DACH2: variants seen among roughly 807,000 people sequenced by gnomAD.
DACH2 encodes dachshund family transcription factor 2, also known as dachshund homolog 2.
Under a neutral mutation model 35.8 loss-of-function variants are expected in DACH2, and 17 were observed. The ratio of observed to expected loss-of-function variants is 0.48; its 90% CI spans 0.33 to 0.71. The LOEUF (loss-of-function observed/expected upper bound fraction) is 0.71. Among genes scored for constraint, DACH2 ranks in the 30% least tolerant of loss-of-function variants. DACH2 has a pLI of 0.02. For synonymous variants in DACH2, 195 were observed against 177.3 expected (o/e 1.10, Z -0.79); for missense variants, 469 against 472.7 (o/e 0.99, Z 0.07).
At chrX:86,187,468 A>G (rs2031715430) in intron 1 of DACH2, among the ~76,000 whole-genome samples, 1 of 104,342 alleles carries the variant, frequency 9.6e-6, no homozygotes, top group African/African-American at 3.6e-5. Flanking sequence ...CCCAGGCTAG[A>G]GGACAGTGGT....
At chrX:86,827,937 A>G (rs1190050151) in intron 11 of DACH2, 2 of 562,458 alleles carry the variant, frequency 3.6e-6, no homozygotes, top group Non-Finnish European at 5.6e-6. Flanking sequence ...TTACACATAC[A>G]GGAAAAATGT....
chrX:86,304,299 T>G (rs940783443), intron 1 of DACH2: 2 of 112,308 alleles, frequency 1.8e-5, no homozygotes, highest in Non-Finnish European at 3.8e-5. Flanking sequence ...GCTTGCCCAC[T>G]GCTCAGAAGC....
chrX:86,724,503 A>C (rs961649077), intron 6 of DACH2, among the ~76,000 whole-genome samples: 1 of 111,543 alleles, frequency 9.0e-6, no homozygotes, highest in East Asian at 2.8e-4. Context: ...TTCTTTTAGC[A>C]CTTTGAAAAT....
chrX:86,292,998 G>A (rs1295943761), intron 1 of DACH2, among the ~76,000 whole-genome samples: 15 of 100,263 alleles, frequency 1.5e-4, no homozygotes, highest in East Asian at 3.1e-4. Context: ...TTTCTGTCTC[G>A]TTGATCTGTC....
chrX:86,712,567 G>A (rs913129468), intron 5 of DACH2, among the ~76,000 whole-genome samples: 5 of 109,656 alleles, frequency 4.6e-5, no homozygotes, highest in Non-Finnish European at 9.5e-5. Flanking sequence ...ATATATAATG[G>A]GATCATTTTG....
chrX:86,518,469 C>T (rs2038505013), intron 3 of DACH2, among the ~76,000 whole-genome samples: 1 of 111,893 alleles, frequency 8.9e-6, no homozygotes, highest in African/African-American at 3.2e-5. Context: ...AGTATTGAAT[C>T]TGTAAATTGC....
chrX:86,746,273 G>A (rs2041711799), intron 7 of DACH2, among the ~76,000 whole-genome samples: 1 of 111,247 alleles, frequency 9.0e-6, no homozygotes, highest in Non-Finnish European at 1.9e-5. Context: ...ATACTTAGGA[G>A]TGAAATTGAT....
At chrX:86,595,841 T>C (rs761100471) in intron 3 of DACH2, among the ~76,000 whole-genome samples, 13 of 110,252 alleles carry the variant, frequency 1.2e-4, no homozygotes, top group Non-Finnish European at 1.9e-4. Flanking sequence ...CTCACTAATA[T>C]GTAGTTTCAG....
At chrX:86,603,477 T>C (rs1322390660) in intron 3 of DACH2, among the ~76,000 whole-genome samples, 2 of 110,382 alleles carry the variant, frequency 1.8e-5, no homozygotes, top group African/African-American at 6.6e-5. Flanking sequence ...TAGCATCAAC[T>C]GTAATTCCAA....
intron 4 of DACH2, among the ~76,000 whole-genome samples, chrX:86,652,334 A>G (rs1306094180): frequency 8.9e-6 from 1 of 112,110 alleles, no homozygotes; most frequent in African/African-American, 3.2e-5. Context: ...CATTTTCTTT[A>G]TCCACTTTCT....
intron 2 of DACH2, among the ~76,000 whole-genome samples, chrX:86,398,471 A>G (rs1358571869): frequency 5.4e-5 from 6 of 111,381 alleles, no homozygotes; most frequent in African/African-American, 2.0e-4. Context: ...AGTTCTTTTA[A>G]TTGTGATGTT....
intron 1 of DACH2, among the ~76,000 whole-genome samples, chrX:86,237,553 C>T (rs1188694020): frequency 4.5e-5 from 5 of 111,185 alleles, no homozygotes; most frequent in East Asian, 2.8e-4. Context: ...TGTCTGGTGG[C>T]GCCTCTGCCC....
chrX:86,413,883 C>A (rs1271816980), intron 2 of DACH2, among the ~76,000 whole-genome samples: 3 of 111,298 alleles, frequency 2.7e-5, no homozygotes, highest in Non-Finnish European at 5.7e-5. Context: ...AATTATCTGA[C>A]CTCCATTAGC....
At chrX:86,794,777 T>C (rs1036739033) in intron 7 of DACH2, among the ~76,000 whole-genome samples, 5 of 111,774 alleles carry the variant, frequency 4.5e-5, no homozygotes, top group African/African-American at 1.6e-4. Flanking sequence ...TACACATCAG[T>C]GTTCAAACTT....
intron 2 of DACH2, among the ~76,000 whole-genome samples, chrX:86,490,611 C>T (rs1194291478): frequency 1.8e-5 from 2 of 111,526 alleles, no homozygotes; most frequent in Admixed American, 9.6e-5. Context: ...ACATGCTTCC[C>T]TTTGAGTTAT....
At chrX:86,400,259 G>C (rs1332117418) in intron 2 of DACH2, among the ~76,000 whole-genome samples, 2 of 110,517 alleles carry the variant, frequency 1.8e-5, no homozygotes, top group African/African-American at 6.6e-5. Flanking sequence ...TCTCTACATT[G>C]GTTATTCTAG....
intron 1 of DACH2, among the ~76,000 whole-genome samples, chrX:86,151,925 G>C (rs1359023754): frequency 9.0e-6 from 1 of 110,770 alleles, no homozygotes; most frequent in Admixed American, 9.6e-5. Context: ...TTGAGACAGA[G>C]TGAAAGATGG....
At chrX:86,382,356 G>C (rs758274397) in intron 2 of DACH2, among the ~76,000 whole-genome samples, 1 of 108,948 alleles carries the variant, frequency 9.2e-6, no homozygotes, top group Non-Finnish European at 1.9e-5. Context: ...AGACCACTGA[G>C]TTAGAAACCA....
chrX:86,181,428 A>G (rs761578528), intron 1 of DACH2, among the ~76,000 whole-genome samples: 1 of 111,113 alleles, frequency 9.0e-6, no homozygotes, highest in East Asian at 2.9e-4. Flanking sequence ...GAGTGAAAAC[A>G]TGCGATGTTT....
Sources: gnomAD v4.1 joint callset for allele counts (sites outside exome capture counted in the v4.1 genomes callset) on GRCh38, gnomAD v4.1.1 for gene constraint, MANE v1.5 for transcripts, NCBI Gene and HGNC (gene_info 2026-07-23, HGNC 2026-07-21) for gene names.